FKBP6: variants seen among roughly 807,000 people sequenced by gnomAD.
FKBP6 encodes FKBP prolyl isomerase family member 6 (inactive).
A neutral mutation model predicts 41.7 loss-of-function variants in FKBP6; 29 were observed. That is an observed-to-expected ratio of 0.70 (90% CI 0.52 to 0.95). The LOEUF is 0.95. FKBP6 is among the 40% of genes least tolerant of loss of function. The pLI, the probability that FKBP6 is intolerant of heterozygous loss-of-function variation, is 0.00. For missense variants in FKBP6, 338 were observed against 408.7 expected, an observed-to-expected ratio of 0.83 and a Z score of 1.49; for synonymous variants, 130 against 165.1, an observed-to-expected ratio of 0.79 and a Z score of 1.63.
chr7:73,340,881 T>G, intron 6 of FKBP6, 49 bp downstream of exon 6: 42 of 1,316,176 alleles, frequency 3.2e-5, no homozygotes, highest in Non-Finnish European at 4.4e-5. Flanking sequence ...GAAAAGGTAG[T>G]AGCAGTGCTC....
intron 8 of FKBP6, among the ~76,000 whole-genome samples, chr7:73,347,193 T>C (rs549460414): frequency 7.2e-4 from 110 of 152,376 alleles, no homozygotes; most frequent in Non-Finnish European, 1.1e-3. Context: ...TCTTAGTGTA[T>C]TTTTATTAAT....
chr7:73,351,449 G>C (rs4717756), intron 8 of FKBP6, among the ~76,000 whole-genome samples: 18,988 of 151,832 alleles, frequency 0.13, 1,316 homozygotes, highest in Middle Eastern at 0.18. Context: ...TTCTCTTATT[G>C]TCAGATGAAG....
At chr7:73,339,493 G>A (rs568762649) in intron 5 of FKBP6, among the ~76,000 whole-genome samples, 1 of 151,744 alleles carries the variant, frequency 6.6e-6, no homozygotes, top group East Asian at 1.9e-4. Flanking sequence ...GAAGTTTCGT[G>A]TTTTTTGTTT....
At chr7:73,329,302 AT>A in intron 2 of FKBP6, 57 bp from the exon 3 acceptor site, 1 of 942,772 alleles carries the variant, frequency 1.1e-6, no homozygotes. Context: ...GAGACTCGAT[AT>A]TATGGTGGCG....
chr7:73,355,632 C>T (rs1199731170), intron 8 of FKBP6, among the ~76,000 whole-genome samples: 2 of 149,436 alleles, frequency 1.3e-5, no homozygotes, highest in Admixed American at 6.7e-5. Flanking sequence ...CATTTTCAAA[C>T]GTCTCCAAAG....
At chr7:73,349,544 TA>T (rs1439502362) in intron 8 of FKBP6, among the ~76,000 whole-genome samples, 4 of 43,048 alleles carry the variant, frequency 9.3e-5, no homozygotes, top group Non-Finnish European at 1.4e-4. Flanking sequence ...TCTACTAAAA[TA>T]CAAAAAAAAA....
intron 8 of FKBP6, among the ~76,000 whole-genome samples, chr7:73,356,990 A>G (rs1805650151): frequency 6.6e-6 from 1 of 152,144 alleles, no homozygotes; most frequent in Non-Finnish European, 1.5e-5. Context: ...CATGTTGGCC[A>G]GGCTGATTTT....
intron 4 of FKBP6, among the ~76,000 whole-genome samples, chr7:73,330,921 A>G (rs552428360): frequency 6.6e-6 from 1 of 152,328 alleles, no homozygotes; most frequent in South Asian, 2.1e-4. Context: ...CAGCAGTCAC[A>G]GGCACTGTCT....
chr7:73,356,869 C>G (rs1168351824), intron 8 of FKBP6, among the ~76,000 whole-genome samples: 1 of 152,212 alleles, frequency 6.6e-6, no homozygotes, highest in Non-Finnish European at 1.5e-5. Flanking sequence ...CAACCTCTGC[C>G]TCCTGGGTTC....
intron 8 of FKBP6, among the ~76,000 whole-genome samples, chr7:73,347,599 A>G (rs925923522): frequency 3.3e-5 from 5 of 152,218 alleles, no homozygotes; most frequent in East Asian, 1.9e-4. Context: ...AAAATAATTC[A>G]ATACTGATGT....
At chr7:73,357,269 GTTTTTTTTTTTTT>G (rs11430645) in intron 8 of FKBP6, among the ~76,000 whole-genome samples, 1 of 96,818 alleles carries the variant, frequency 1.0e-5, no homozygotes, top group Non-Finnish European at 2.0e-5. Context: ...GTTTGGTTTG[GTTTTTTTTTTTTT>G]TTTTTTTTTT....
In FKBP6 at chr7:73,328,190, C is replaced by T. The variant is rs1227710521; in HGVS notation, c.-239C>T. 1.3e-6 allele frequency: 2 copies of T among 1,546,760 alleles called. No homozygotes were observed. The highest frequency in any genetic ancestry group is 1.7e-6 in the Non-Finnish European group (2 of 1,144,986). ...TGTTTCGTGCGCTCCCATTACGGAT[C>T]ATACCTCGCACCTCACCGCGTGGCC... is the stretch of plus-strand genomic sequence containing the variant. On this transcript the variant is annotated 5_prime_UTR_variant, in exon 1 of 9. Coordinates refer to ENST00000252037, the MANE Select transcript of FKBP6 (RefSeq NM_003602.5).
Position 73,328,410 on chromosome 7 carries a change from C to G in FKBP6, c.-19C>G. Reference sequence around the variant, plus strand: ...CGCACCAGGCCGAAGGCTCACGCCACAGGGAGGGCAGCTAGGACATGGGGG... The same window carrying G: ...CGCACCAGGCCGAAGGCTCACGCCAGAGGGAGGGCAGCTAGGACATGGGGG... On this transcript the variant is annotated 5_prime_UTR_variant, in exon 1 of 9. Transcript: ENST00000252037. The G allele has an allele frequency of 6.4e-7, 1 of 1,567,546 alleles. No individual in the cohort carries two copies. Among genetic ancestry groups the G allele is most frequent in the Non-Finnish European group, 8.6e-7 (1 of 1,157,056 alleles).
chr7:73,336,696 C>A (rs1805014818), intron 5 of FKBP6: 1 of 454,658 alleles, frequency 2.2e-6, no homozygotes, highest in South Asian at 1.6e-5. Flanking sequence ...TACCAGCACA[C>A]CACTGTGTGC....
chr7:73,344,290 C>T (rs923906225), intron 8 of FKBP6, among the ~76,000 whole-genome samples: 7 of 152,248 alleles, frequency 4.6e-5, no homozygotes, highest in Non-Finnish European at 1.0e-4. Flanking sequence ...CAGCAGTTTT[C>T]CTCGCCATCA....
rs140279011 is a variant in FKBP6, at chr7:73,349,761, G to A, written c.*2+6862G>A. Among the ~76,000 whole-genome samples, 34 of 147,604 alleles carry A rather than the reference G, an allele frequency of 2.3e-4. No homozygotes were observed. In the East Asian group the frequency reaches 5.4e-3, roughly 24 times the overall value. On this transcript the variant is annotated intron_variant, in intron 8 of 8. Transcript: ENST00000252037. Reference sequence around the variant, plus strand: ...AAGATGAAGAGCCACATGGGGTGGCGCACAGGGCATGGTGTGAGGGAAGGG... The same window carrying A: ...AAGATGAAGAGCCACATGGGGTGGCACACAGGGCATGGTGTGAGGGAAGGG...
At position 73,333,740 on chromosome 7, in the gene FKBP6, C is replaced by G. The variant is rs188129552; in HGVS notation, c.588+1964C>G. Among the ~76,000 whole-genome samples the G allele has an allele frequency of 2.8e-3, 432 of 152,294 alleles. 5 individuals carry two copies. The highest frequency in any genetic ancestry group is 4.2e-3 in the Non-Finnish European group (288 of 68,018). ...TATGTTGATGTATGTCTAAAATATT[C>G]TTGGTTTTTAAATACATATTTGTCT... On this transcript the variant is annotated intron_variant, in intron 5 of 8. Coordinates refer to ENST00000252037, the MANE Select transcript of FKBP6 (RefSeq NM_003602.5).
intron 8 of FKBP6, among the ~76,000 whole-genome samples, chr7:73,352,310 C>T (rs541129166): frequency 6.6e-6 from 1 of 152,350 alleles, no homozygotes; most frequent in East Asian, 1.9e-4. Flanking sequence ...GTTTATGCTT[C>T]ATGAAGACCG....
rs1554547722 is a variant in FKBP6 at position 73,331,722 on chromosome 7, C to T, written c.534C>T (p.Gly178=). ...LKVAATEREF[G]NYLFRQNRFY... is the part of the protein sequence containing the mutation. The stretch of plus-strand genomic sequence containing the variant: ...TGGCAGCTACGGAACGGGAGTTTGG[C>T]AACTACCTTTTCCGCCAGAATCGTT... Residue 178 remains glycine, a synonymous_variant, in exon 5 of 9, where the codon GGC becomes GGT. Coordinates refer to ENST00000252037, the MANE Select transcript of FKBP6 (RefSeq NM_003602.5). The T allele has an allele frequency of 1.2e-5, 20 of 1,613,582 alleles. No homozygotes were observed. The highest frequency in any genetic ancestry group is 1.6e-5 in the Non-Finnish European group (19 of 1,179,654).
Sources: allele counts gnomAD v4.1 joint callset (sites outside exome capture counted in the v4.1 genomes callset), GRCh38; gene constraint gnomAD v4.1.1; transcripts MANE v1.5; gene names NCBI Gene and HGNC (gene_info 2026-07-23, HGNC 2026-07-21).